Variants in CTNNA2 observed in about 807,000 individuals in gnomAD.
CTNNA2 encodes catenin alpha-2.
Under a neutral mutation model 101.0 loss-of-function variants are expected in CTNNA2, and 42 were observed. The ratio of observed to expected loss-of-function variants is 0.42; its 90% CI spans 0.32 to 0.54. The LOEUF (loss-of-function observed/expected upper bound fraction) is 0.54. Among genes scored for constraint, CTNNA2 ranks in the 20% least tolerant of loss-of-function variants. The pLI is 0.14. For missense variants in CTNNA2, 871 were observed against 1,223.1 expected, an observed-to-expected ratio of 0.71 and a Z score of 4.29; for synonymous variants, 450 against 456.4, an observed-to-expected ratio of 0.99 and a Z score of 0.18.
intron 7 of CTNNA2, among the ~76,000 whole-genome samples, chr2:80,078,460 A>C (rs1300855122): frequency 6.6e-6 from 1 of 152,176 alleles, no homozygotes; most frequent in African/African-American, 2.4e-5. Context: ...ACCAGCGAGG[A>C]GCAGAAAAGT....
intron 7 of CTNNA2, among the ~76,000 whole-genome samples, chr2:80,191,190 A>G (rs1404466426): frequency 6.6e-6 from 1 of 152,214 alleles, no homozygotes; most frequent in Non-Finnish European, 1.5e-5. Context: ...CAATTTGCCA[A>G]TATTTTAAAA....
At chr2:80,623,959 CATG>C (rs1166951827) in intron 18 of CTNNA2, among the ~76,000 whole-genome samples, 2 of 149,792 alleles carry the variant, frequency 1.3e-5, no homozygotes, top group African/African-American at 4.8e-5. Context: ...TGTGGTTAAG[CATG>C]AGAACTAAGA....
intron 15 of CTNNA2, among the ~76,000 whole-genome samples, chr2:80,598,907 TGTG>T (rs200679636): frequency 1.2e-3 from 179 of 152,292 alleles, no homozygotes; most frequent in African/African-American, 4.1e-3. Context: ...GAGAGAAACT[TGTG>T]GTAATAGTAC....
intron 2 of CTNNA2, among the ~76,000 whole-genome samples, chr2:79,252,619 A>T (rs1242809465): frequency 1.3e-5 from 2 of 152,046 alleles, no homozygotes; most frequent in African/African-American, 4.8e-5. Flanking sequence ...ATACACAGTC[A>T]TATAGGTTTA....
chr2:79,189,168 C>A (rs1558567982), intron 1 of CTNNA2, among the ~76,000 whole-genome samples: 1 of 152,160 alleles, frequency 6.6e-6, no homozygotes, highest in Non-Finnish European at 1.5e-5. Flanking sequence ...AATTAATTCA[C>A]TTCCGTTTAT....
At chr2:79,252,768 G>GC (rs955563276) in intron 2 of CTNNA2, among the ~76,000 whole-genome samples, 8 of 151,306 alleles carry the variant, frequency 5.3e-5, no homozygotes, top group East Asian at 1.9e-4. Context: ...ATATCAACAT[G>GC]CCCCCCCATT....
At position 79,892,782 on chromosome 2, in the gene CTNNA2, A is replaced by G. The variant is rs139085155; in HGVS notation, c.853-16812A>G. On this transcript the variant is annotated intron_variant, in intron 6 of 18. Transcript: ENST00000402739. ...AAGATATTTGAGGCCATCCAGTATC[A>G]CTTTCATAATATTGGAAGTTCCCAC... is the stretch of plus-strand genomic sequence containing the variant. Among the ~76,000 whole-genome samples, 1,200 of 152,348 alleles carry G rather than the reference A, an allele frequency of 7.9e-3. 13 individuals are homozygous for G. The highest frequency in any genetic ancestry group is 0.026 in the African/African-American group (1,092 of 41,582).
intron 7 of CTNNA2, among the ~76,000 whole-genome samples, chr2:80,140,078 T>TTATTCCTTTATTCAAG (rs1181444723): frequency 6.6e-6 from 1 of 152,162 alleles, no homozygotes; most frequent in Non-Finnish European, 1.5e-5. Context: ...AACAGGATTA[T>TTATTCCTTTATTCAAG]TGGAACAATA....
Position 80,083,051 on chromosome 2 carries a change from T to G in CTNNA2, c.1056+173254T>G, listed in dbSNP as rs1478016623. Among the ~76,000 whole-genome samples, 3 of 152,226 alleles carry G rather than the reference T, an allele frequency of 2.0e-5. No individual in the cohort carries two copies. In the East Asian group the frequency reaches 5.8e-4, roughly 29 times the overall value. ...TGATTTTTCCATCACTGAAAAAATA[T>G]AAGGTTTTCAGTTACCTCCCTCCTT... On this transcript the variant is annotated intron_variant, in intron 7 of 18. Coordinates refer to ENST00000402739, the MANE Select transcript of CTNNA2 (RefSeq NM_001282597.3).
intron 3 of CTNNA2, among the ~76,000 whole-genome samples, chr2:79,754,580 G>C (rs899766678): frequency 6.6e-6 from 1 of 152,152 alleles, no homozygotes; most frequent in Admixed American, 6.5e-5. Context: ...GCAGGGGTCA[G>C]CCTCTCTAAA....
chr2:80,028,109 A>C (rs948292728), intron 7 of CTNNA2: 3 of 152,048 alleles, frequency 2.0e-5, no homozygotes, highest in Non-Finnish European at 4.4e-5. Context: ...AAAACTATTT[A>C]CTGAAAAGCC....
At position 79,691,834 on chromosome 2, in the gene CTNNA2, A is replaced by T. The variant is rs1264275246; in HGVS notation, c.102+40176A>T. Among the ~76,000 whole-genome samples, 3 of 152,148 alleles carry T rather than the reference A, an allele frequency of 2.0e-5. No homozygotes were observed. In the East Asian group the frequency reaches 5.8e-4, roughly 29 times the overall value. ...TGGCTAGCCATATGCAGAAAACTGAAACTGGACCCCTTCCTTACACCTTAT... is the reference window on the plus strand; with the variant it reads ...TGGCTAGCCATATGCAGAAAACTGATACTGGACCCCTTCCTTACACCTTAT... On this transcript the variant is annotated intron_variant, in intron 2 of 18. Transcript: ENST00000402739.
At chr2:80,013,889 T>C (rs907881825) in intron 7 of CTNNA2, among the ~76,000 whole-genome samples, 2 of 152,236 alleles carry the variant, frequency 1.3e-5, no homozygotes, top group Admixed American at 1.3e-4. Flanking sequence ...TAGCATGTAA[T>C]TCATGGCTCA....
At chr2:79,527,568 C>A (rs1209276986) in intron 1 of CTNNA2, among the ~76,000 whole-genome samples, 2 of 151,202 alleles carry the variant, frequency 1.3e-5, no homozygotes, top group African/African-American at 4.9e-5. Context: ...TAGCTTGAAC[C>A]CAGGAGGCGG....
At chr2:79,603,769 T>G (rs62140076) in intron 1 of CTNNA2, among the ~76,000 whole-genome samples, 6,932 of 152,234 alleles carry the variant, frequency 0.046, 223 homozygotes, top group Non-Finnish European at 0.065. Flanking sequence ...AAGGGCTAAA[T>G]AAAGTTAAAA....
At chr2:80,174,017 C>A (rs1705239808) in intron 7 of CTNNA2, among the ~76,000 whole-genome samples, 2 of 152,140 alleles carry the variant, frequency 1.3e-5, no homozygotes, top group African/African-American at 2.4e-5. Context: ...CACTATTGCA[C>A]AACAAGTAAT....
intron 4 of CTNNA2, among the ~76,000 whole-genome samples, chr2:79,472,689 C>A (rs145586394): frequency 6.6e-5 from 10 of 152,258 alleles, no homozygotes; most frequent in Admixed American, 1.3e-4. Flanking sequence ...ATTGGCTGCA[C>A]CCTTACTGTT....
intron 7 of CTNNA2, among the ~76,000 whole-genome samples, chr2:80,004,416 A>G (rs2103978152): frequency 6.6e-6 from 1 of 152,318 alleles, no homozygotes; most frequent in Non-Finnish European, 1.5e-5. Context: ...AAGAGAAGCC[A>G]TGAACAAGTC....
chr2:79,371,521 G>A (rs1300883968), intron 3 of CTNNA2, among the ~76,000 whole-genome samples: 1 of 152,078 alleles, frequency 6.6e-6, no homozygotes. Flanking sequence ...GATGAACCAG[G>A]CTCCTTCTCT....
Sources: allele counts gnomAD v4.1 joint callset (sites outside exome capture counted in the v4.1 genomes callset), GRCh38; gene constraint gnomAD v4.1.1; transcripts MANE v1.5; gene names NCBI Gene and HGNC (gene_info 2026-07-23, HGNC 2026-07-21).